The following LINGO4 variants were observed in gnomAD, a reference collection of about 807,000 sequenced individuals.
The protein encoded by LINGO4 is leucine-rich repeat and immunoglobulin-like domain-containing nogo receptor-interacting protein 4.
A neutral mutation model predicts 27.9 loss-of-function variants in LINGO4; 22 were observed. The observed-to-expected ratio is 0.79, with a 90% CI of 0.56 to 1.13. The LOEUF is 1.13. Among genes scored for constraint, LINGO4 ranks in the 50% most tolerant of loss-of-function variants. LINGO4 has a pLI of 0.00. For synonymous variants in LINGO4, 306 were observed against 325.8 expected (o/e 0.94, Z 0.65); for missense variants, 706 against 739.4 (o/e 0.95, Z 0.52).
At chr1:151,804,548 G>A (rs1651234450) in intron 1 of LINGO4, among the ~76,000 whole-genome samples, 1 of 152,232 alleles carries the variant, frequency 6.6e-6, no homozygotes, top group African/African-American at 2.4e-5. Flanking sequence ...CAAAAGTGCA[G>A]TGAAGCATGT....
chr1:151,800,956 A>G lies in LINGO4; in HGVS notation c.1749T>C (p.Ser583=), dbSNP rs1335633198. The G allele has an allele frequency of 6.2e-7, 1 of 1,612,664 alleles. No individual in the cohort carries two copies. The highest frequency in any genetic ancestry group is 8.5e-7 in the Non-Finnish European group (1 of 1,178,956). The change falls in exon 2 of 2, where the codon TCT becomes TCC. Residue 583 remains serine, a synonymous_variant. Transcript: ENST00000368820. ...GCTTGGCAGTGACCCGGTTACCCCC[A>G]GAGTTTTTATCCCCAGAGGGCCGAG... The part of the protein sequence containing the change: ...VAPRPSGDKN[S]GGNRVTAKLF
rs190062056 is a variant in LINGO4, at chr1:151,801,262, G to A, written c.1443C>T (p.Ala481=). ...IRSVQLRDRG[A]YVCVVSNVAG... is the part of the protein sequence containing the mutation. ...CGACATTGCTAACCACACAGACATAGGCCCCTCTGTCCCGTAGCTGCACTG... is the reference window on the plus strand; with the variant it reads ...CGACATTGCTAACCACACAGACATAAGCCCCTCTGTCCCGTAGCTGCACTG... The change falls in exon 2 of 2, where the codon GCC becomes GCT. Residue 481 remains alanine (A), a synonymous_variant. Transcript: ENST00000368820. This position sits in a 1 kb window ranked among gnomAD's most constrained non-coding sequence, Gnocchi z 5.7. The A allele has an allele frequency of 5.6e-6, 9 of 1,614,180 alleles. No individual in the cohort carries two copies. In the Admixed American group the frequency reaches 1.2e-4, roughly 21 times the overall value.
Position 151,801,362 on chromosome 1 carries a change from A to T in LINGO4, c.1343T>A (p.Met448Lys). ...DGDPAPTVSW[M>K]RPHGAWLGRA... ...GCCCAGCCAAGCCCCATGAGGCCTC[A>T]TCCAGGAGACAGTGGGGGCTGGGTC... Residue 448 changes from methionine to lysine, a missense_variant, in exon 2 of 2, where the codon ATG (methionine) becomes AAG (lysine). Met to Lys is a moderately conservative substitution (Grantham distance 95, BLOSUM62 -1). Transcript: ENST00000368820. This position sits in a 1 kb window ranked among gnomAD's most constrained non-coding sequence, Gnocchi z 5.7. The T allele has an allele frequency of 6.2e-7, 1 of 1,613,906 alleles. No individual in the cohort carries two copies. Among genetic ancestry groups the T allele is most frequent in the Middle Eastern group, 1.6e-4 (1 of 6,062 alleles).
Position 151,801,918 on chromosome 1 carries a change from T to C in LINGO4, c.787A>G (p.Asn263Asp). 2 of 1,614,156 alleles carry C rather than the reference T, an allele frequency of 1.2e-6. No homozygotes were observed. The highest frequency in any genetic ancestry group is 1.7e-6 in the Non-Finnish European group (2 of 1,179,998). ...GCTTGGAAGGGCACCGAGCTCAGAT[T>C]GCAGCGAGTGATGGCCAGGCTGCTG... ...NLSSLAITRC[N>D]LSSVPFQALY... The change falls in exon 2 of 2, where the codon AAT (asparagine) becomes GAT (aspartate). Residue 263 changes from asparagine to aspartate, a missense_variant. Transcript: ENST00000368820. The surrounding 1 kb of genome is among the most constrained non-coding windows in gnomAD (Gnocchi z 5.7).
At chr1:151,803,514 AC>A (rs1651208468) in intron 1 of LINGO4, among the ~76,000 whole-genome samples, 2 of 152,184 alleles carry the variant, frequency 1.3e-5, no homozygotes, top group African/African-American at 2.4e-5. Flanking sequence ...TGTGTGAGAG[AC>A]CCAAAGGATG....
chr1:151,804,242 A>C (rs2101645677), intron 1 of LINGO4, among the ~76,000 whole-genome samples: 1 of 152,264 alleles, frequency 6.6e-6, no homozygotes, highest in South Asian at 2.1e-4. Flanking sequence ...TCCTACAGCC[A>C]CTTGAGAGGA....
chr1:151,802,276 C>A lies in LINGO4; in HGVS notation c.429G>T (p.Gln143His), dbSNP rs1487820064. 3 of 1,614,196 alleles carry A rather than the reference C, an allele frequency of 1.9e-6. No individual in the cohort carries two copies. Among genetic ancestry groups the A allele is most frequent in the Non-Finnish European group, 2.5e-6 (3 of 1,180,044 alleles). Residue 143 changes from glutamine (Q) to histidine (H), a missense_variant, in exon 2 of 2, where the codon CAG (glutamine) becomes CAT (histidine). By Grantham distance (24) the Gln-to-His change is conservative (BLOSUM62 0). Coordinates refer to ENST00000368820, the MANE Select transcript of LINGO4 (RefSeq NM_001004432.4). ...AAGCTCCATCTAGGAAGAGAACAATCTGGTTGAGGCGGAGGTCCAGCAGGG... is the reference window on the plus strand; with the variant it reads ...AAGCTCCATCTAGGAAGAGAACAATATGGTTGAGGCGGAGGTCCAGCAGGG... The part of the protein sequence containing the change: ...ALTLLDLRLN[Q>H]IVLFLDGAFG...
chr1:151,802,498 C>G lies in LINGO4; in HGVS notation c.207G>C (p.Gly69=), dbSNP rs775292710. ...CCTGCTGGAGCCCCCACAGGCGGTT[C>G]CCACTCAGGTCCAGGAGCTCAGTGT... ...PLDTELLDLS[G]NRLWGLQQGM... is the part of the protein sequence containing the mutation. Residue 69 remains glycine, a synonymous_variant, in exon 2 of 2, where the codon GGG becomes GGC. Coordinates refer to ENST00000368820, the MANE Select transcript of LINGO4 (RefSeq NM_001004432.4). 6.2e-7 allele frequency: 1 copy of G among 1,612,706 alleles called. No individual in the cohort carries two copies. Among genetic ancestry groups the G allele is most frequent in the East Asian group, 2.2e-5 (1 of 44,834 alleles).
At position 151,800,726 on chromosome 1, in the gene LINGO4, AG is replaced by A; in HGVS notation, c.*196del. On this transcript the variant is annotated 3_prime_UTR_variant, in exon 2 of 2. Transcript: ENST00000368820. ...GCATCTGCAGCTCCCTGGGACCCTC[AG>A]AGAAGAAATGACAATGCTATCCTCA... 1.8e-6 allele frequency: 1 copy of A among 570,330 alleles called. No individual in the cohort carries two copies. The highest frequency in any genetic ancestry group is 3.1e-6 in the Non-Finnish European group (1 of 325,958). 35.3% of individuals were successfully genotyped at this position (570,330 alleles called of 1,614,324 possible).
chr1:151,800,974 G>A lies in LINGO4; in HGVS notation c.1731C>T (p.Pro577=). 12 of 1,613,914 alleles carry A rather than the reference G, an allele frequency of 7.4e-6. No individual in the cohort carries two copies. The highest frequency in any genetic ancestry group is 1.3e-5 in the African/African-American group (1 of 75,044). ...HMTFDFVAPR[P]SGDKNSGGNR... is the part of the protein sequence containing the mutation. ...TACCCCCAGAGTTTTTATCCCCAGA[G>A]GGCCGAGGTGCCACAAAGTCAAAGG... The change falls in exon 2 of 2, where the codon CCC becomes CCT. Residue 577 remains proline, a synonymous_variant. Coordinates refer to ENST00000368820, the MANE Select transcript of LINGO4 (RefSeq NM_001004432.4).
At position 151,801,402 on chromosome 1, in the gene LINGO4, A is replaced by C. The variant is rs770688723; in HGVS notation, c.1303T>G (p.Cys435Gly). Residue 435 changes from cysteine to glycine, a missense_variant, in exon 2 of 2, where the codon TGC (cysteine) becomes GGC (glycine). By Grantham distance (159) the Cys-to-Gly change is radical. Transcript: ENST00000368820. This position sits in a 1 kb window ranked among gnomAD's most constrained non-coding sequence, Gnocchi z 5.7. ...GGGGCTGGGTCTCCATCTCCAGAGC[A>C]GGAGAAAACCGCATGCCCGCCCTCC... The part of the protein sequence containing the change: ...AEEGGHAVFS[C>G]SGDGDPAPTV... The C allele has an allele frequency of 6.2e-7, 1 of 1,614,172 alleles. No homozygotes were observed. The highest frequency in any genetic ancestry group is 1.7e-5 in the Admixed American group (1 of 60,034).
chr1:151,800,856 C>T lies in LINGO4; in HGVS notation c.*67G>A. The T allele has an allele frequency of 6.9e-7, 1 of 1,455,910 alleles. No homozygotes were observed. The highest frequency in any genetic ancestry group is 9.3e-7 in the Non-Finnish European group (1 of 1,069,742). The allele number at this position is 1,455,910 out of a possible 1,614,324, so 90.2% of individuals were successfully genotyped here. A position where few individuals can be genotyped will look rare whatever the true frequency, so the allele number is the denominator to read the frequency against. On this transcript the variant is annotated 3_prime_UTR_variant, in exon 2 of 2. Coordinates refer to ENST00000368820, the MANE Select transcript of LINGO4 (RefSeq NM_001004432.4). ...GGGACTAGGTTCTGGTTCAAGCAGC[C>T]TTGGTTCTGTCTTCCCCTTTGGTAT... is the stretch of plus-strand genomic sequence containing the variant.
chr1:151,802,445 T>C lies in LINGO4; in HGVS notation c.260A>G (p.Gln87Arg). The C allele has an allele frequency of 3.1e-6, 5 of 1,614,210 alleles. No individual in the cohort carries two copies. Among genetic ancestry groups the C allele is most frequent in the Non-Finnish European group, 4.2e-6 (5 of 1,180,044 alleles). The part of the protein sequence containing the change: ...QGMLSRLSLL[Q>R]ELDLSYNQLS... ...CTGGTTGTAGCTGAGGTCCAATTCCTGGAGCAGGCTCAGGCGGGAGAGCAT... is the reference window on the plus strand; with the variant it reads ...CTGGTTGTAGCTGAGGTCCAATTCCCGGAGCAGGCTCAGGCGGGAGAGCAT... Residue 87 changes from glutamine to arginine, a missense_variant, in exon 2 of 2, where the codon CAG becomes CGG. Transcript: ENST00000368820.
Position 151,802,228 on chromosome 1 carries a change from C to G in LINGO4, c.477G>C (p.Gln159His). 1 of 1,614,202 alleles carries G rather than the reference C, an allele frequency of 6.2e-7. No homozygotes were observed. Among genetic ancestry groups the G allele is most frequent in the Non-Finnish European group, 8.5e-7 (1 of 1,180,038 alleles). ...DGAFGELGSLQKLEVGDNHLV... is the reference protein window; with the variant it reads ...DGAFGELGSLHKLEVGDNHLV... ...GGTGGTTGTCCCCAACCTCCAGCTT[C>G]TGGAGGCTGCCTAGCTCCCCAAAAG... The change falls in exon 2 of 2, where the codon CAG becomes CAC. Residue 159 changes from glutamine to histidine, a missense_variant. Gln to His is a conservative substitution (Grantham distance 24). Transcript: ENST00000368820.
chr1:151,801,824 C>T lies in LINGO4; in HGVS notation c.881G>A (p.Arg294Gln), dbSNP rs201618190. 7.9e-5 allele frequency: 127 copies of T among 1,614,062 alleles called. No homozygotes were observed. The highest frequency in any genetic ancestry group is 1.5e-4 in the Admixed American group (9 of 60,004). Residue 294 changes from arginine (R) to glutamine (Q), a missense_variant, in exon 2 of 2, where the codon CGA becomes CAA. Transcript: ENST00000368820. The surrounding 1 kb of genome is among the most constrained non-coding windows in gnomAD (Gnocchi z 5.7). Reference protein sequence around the residue: ...SQNPISAIPARRLSPLVRLQE... With the variant: ...SQNPISAIPAQRLSPLVRLQE... Reference sequence around the variant, plus strand: ...GAGCCGCACCAGGGGGCTGAGCCTTCGGGCTGGGATGGCTGAGATGGGATT... The same window carrying T: ...GAGCCGCACCAGGGGGCTGAGCCTTTGGGCTGGGATGGCTGAGATGGGATT...
At position 151,802,123 on chromosome 1, in the gene LINGO4, T is replaced by C. The variant is rs151174289; in HGVS notation, c.582A>G (p.Thr194=). The C allele has an allele frequency of 5.0e-6, 8 of 1,613,852 alleles. No homozygotes were observed. Among genetic ancestry groups the C allele is most frequent in the African/African-American group, 1.3e-5 (1 of 74,918 alleles). ...GACGGGCAAGGGCTAGGCCAGGCAC[T>C]GTGCTGAGGTTGCAGCGCTCCAGGG... ...TLTLERCNLS[T]VPGLALARLP... The change falls in exon 2 of 2, where the codon ACA becomes ACG. Residue 194 remains threonine, a synonymous_variant. Coordinates refer to ENST00000368820, the MANE Select transcript of LINGO4 (RefSeq NM_001004432.4).
rs781140543 is a variant in LINGO4, at chr1:151,801,657, G to A, written c.1048C>T (p.Leu350=). The change falls in exon 2 of 2, where the codon CTG becomes TTG. Residue 350 remains leucine, a synonymous_variant. Coordinates refer to ENST00000368820, the MANE Select transcript of LINGO4 (RefSeq NM_001004432.4). This position sits in a 1 kb window ranked among gnomAD's most constrained non-coding sequence, Gnocchi z 5.7. ...EETAFPSPDK[L]VTLRLSGNPL... is the part of the protein sequence containing the mutation. ...TTGCCAGACAGCCTCAAGGTGACCA[G>A]TTTGTCTGGAGAAGGGAAAGCTGTT... The A allele has an allele frequency of 6.2e-7, 1 of 1,614,184 alleles. No individual in the cohort carries two copies. Among genetic ancestry groups the A allele is most frequent in the Non-Finnish European group, 8.5e-7 (1 of 1,180,044 alleles).
At position 151,801,953 on chromosome 1, in the gene LINGO4, C is replaced by G; in HGVS notation, c.752G>C (p.Gly251Ala). Residue 251 changes from glycine (G) to alanine (A), a missense_variant, in exon 2 of 2, where the codon GGG (glycine) becomes GCG (alanine). By Grantham distance (60) the Gly-to-Ala change is moderately conservative. Coordinates refer to ENST00000368820, the MANE Select transcript of LINGO4 (RefSeq NM_001004432.4). This position sits in a 1 kb window ranked among gnomAD's most constrained non-coding sequence, Gnocchi z 5.7. ...GATGGCCAGGCTGCTGAGATTGAGCCCAACCAGGCTCCCAGGGTCCAGAGC... is the reference window on the plus strand; with the variant it reads ...GATGGCCAGGCTGCTGAGATTGAGCGCAACCAGGCTCCCAGGGTCCAGAGC... ...LEALDPGSLV[G>A]LNLSSLAITR... 6.2e-7 allele frequency: 1 copy of G among 1,614,162 alleles called. No homozygotes were observed. Among genetic ancestry groups the G allele is most frequent in the South Asian group, 1.1e-5 (1 of 91,076 alleles).
Position 151,801,478 on chromosome 1 carries a change from G to A in LINGO4, c.1227C>T (p.Thr409=), listed in dbSNP as rs1188678500. 6.2e-7 allele frequency: 1 copy of A among 1,614,074 alleles called. No individual in the cohort carries two copies. Among genetic ancestry groups the A allele is most frequent in the African/African-American group, 1.3e-5 (1 of 74,950 alleles). ...ACTTTCGGATCAGGGCTGGTTTGCA[G>A]GTGAAGTGCCCTGGAGGCAGGATGT... is the stretch of plus-strand genomic sequence containing the variant. The part of the protein sequence containing the change: ...FSDILPPGHF[T]CKPALIRKSG... Residue 409 remains threonine (T), a synonymous_variant, in exon 2 of 2, where the codon ACC becomes ACT. Coordinates refer to ENST00000368820, the MANE Select transcript of LINGO4 (RefSeq NM_001004432.4). This position sits in a 1 kb window ranked among gnomAD's most constrained non-coding sequence, Gnocchi z 5.7.
Sources: allele counts gnomAD v4.1 joint callset (sites outside exome capture counted in the v4.1 genomes callset), GRCh38; gene constraint gnomAD v4.1.1; non-coding constraint Gnocchi (gnomAD v3.1); transcripts MANE v1.5; gene names NCBI Gene and HGNC (gene_info 2026-07-23, HGNC 2026-07-21).